Variants in SESTD1 observed in about 807,000 individuals in gnomAD.
SESTD1 encodes the protein SEC14 domain and spectrin repeat-containing protein 1.
A neutral mutation model predicts 101.7 loss-of-function variants in SESTD1; 43 were observed. That is an observed-to-expected ratio of 0.42 (90% confidence interval 0.33 to 0.55). The LOEUF is 0.55. SESTD1 is among the 20% of genes least tolerant of loss of function. The pLI is 0.07. For synonymous variants in SESTD1, 283 were observed against 286.8 expected (o/e 0.99, Z 0.13); for missense variants, 647 against 815.1 (o/e 0.79, Z 2.51).
At chr2:179,253,991 TCAGGAGGCTGAGG>T (rs2047356114) in intron 1 of SESTD1, among the ~76,000 whole-genome samples, 5 of 151,858 alleles carry the variant, frequency 3.3e-5, no homozygotes, top group Admixed American at 2.6e-4. Flanking sequence ...TCCCAGCTAC[TCAGGAGGCTGAGG>T]CAGGAGGATC....
At chr2:179,117,034 A>T (rs78375654) in intron 14 of SESTD1, among the ~76,000 whole-genome samples, 4,065 of 152,310 alleles carry the variant, frequency 0.027, 86 homozygotes, top group Admixed American at 0.035. Flanking sequence ...AATTAATATC[A>T]CATAATAAAA....
chr2:179,197,821 G>A (rs1273964593), intron 1 of SESTD1, among the ~76,000 whole-genome samples: 1 of 152,050 alleles, frequency 6.6e-6, no homozygotes, highest in Non-Finnish European at 1.5e-5. Context: ...GCTAAACATG[G>A]AAAGGAACAA....
intron 1 of SESTD1, among the ~76,000 whole-genome samples, chr2:179,198,516 C>T (rs986386923): frequency 1.5e-4 from 23 of 152,026 alleles, no homozygotes; most frequent in Admixed American, 1.1e-3. Flanking sequence ...TTTTCAGCAC[C>T]ACACCACACC....
At chr2:179,163,844 G>C (rs915831185) in intron 5 of SESTD1, among the ~76,000 whole-genome samples, 13 of 152,076 alleles carry the variant, frequency 8.5e-5, no homozygotes, top group Non-Finnish European at 8.8e-5. Flanking sequence ...ATTTGTGCAG[G>C]TTTTCTTTAA....
intron 5 of SESTD1, among the ~76,000 whole-genome samples, chr2:179,164,551 GC>G (rs1436186997): frequency 6.6e-6 from 1 of 152,154 alleles, no homozygotes; most frequent in Admixed American, 6.5e-5. Context: ...CAGGTACAAT[GC>G]TGCTGAAGGA....
Position 179,105,183 on chromosome 2 carries a change from T to TG in SESTD1, c.*4715_*4716insC. ...TCTTTTCATGCTTTGTTCTGTTTTT[T>TG]TTTTTTTTTTAACCTCATTATTGGG... On this transcript the variant is annotated 3_prime_UTR_variant, in exon 18 of 18. Coordinates refer to ENST00000428443, the MANE Select transcript of SESTD1 (RefSeq NM_178123.5). 1 of 152,056 alleles carries TG rather than the reference T, an allele frequency of 6.6e-6. No individual in the cohort carries two copies. Among genetic ancestry groups the TG allele is most frequent in the East Asian group, 1.9e-4 (1 of 5,188 alleles). The allele number at this position is 152,056 out of a possible 1,614,324, so 9.4% of individuals were successfully genotyped here.
chr2:179,221,033 T>A (rs137863405), intron 1 of SESTD1, among the ~76,000 whole-genome samples: 47 of 152,250 alleles, frequency 3.1e-4, no homozygotes, highest in Non-Finnish European at 5.4e-4. Flanking sequence ...CTACCACAAA[T>A]ACATAAAATA....
intron 5 of SESTD1, among the ~76,000 whole-genome samples, chr2:179,156,381 C>T (rs2045631692): frequency 2.0e-5 from 3 of 152,130 alleles, no homozygotes; most frequent in Admixed American, 6.6e-5. Flanking sequence ...AATGGTAGTT[C>T]TACTTTTAGT....
rs1429792818 is a variant in SESTD1 at position 179,201,150 on chromosome 2, C to T, written c.-25-9284G>A. 1.5e-5 allele frequency among the ~76,000 whole-genome samples: 2 copies of T among 134,836 alleles called. 1 individual carries two copies. Among genetic ancestry groups the T allele is most frequent in the African/African-American group, 5.9e-5 (2 of 33,922 alleles). 88.5% of individuals were successfully genotyped at this position (134,836 alleles called of 152,430 possible). A position where few individuals can be genotyped will look rare whatever the true frequency, so the allele number is the denominator to read the frequency against. On this transcript the variant is annotated intron_variant, in intron 1 of 17. Coordinates refer to ENST00000428443, the MANE Select transcript of SESTD1 (RefSeq NM_178123.5). ...CACTTCTCAAAAGAAGACATTAATGCAGCCAAAAAACACATGAAAAAATGC... is the reference window on the plus strand; with the variant it reads ...CACTTCTCAAAAGAAGACATTAATGTAGCCAAAAAACACATGAAAAAATGC...
Position 179,183,154 on chromosome 2 carries a change from T to C in SESTD1, c.90A>G (p.Thr30=). The change falls in exon 3 of 18, where the codon ACA becomes ACG. Residue 30 remains threonine, a synonymous_variant. Coordinates refer to ENST00000428443, the MANE Select transcript of SESTD1 (RefSeq NM_178123.5). ...GKDRRSGLIL[T]IPLCLEQTNM... ...TTGTCTGTTCGAGGCATAATGGAAT[T>C]GTCAAAATGAGGCCACTCCGTCTGT... The C allele has an allele frequency of 6.2e-6, 10 of 1,612,032 alleles. No homozygotes were observed. Among genetic ancestry groups the C allele is most frequent in the Non-Finnish European group, 8.5e-6 (10 of 1,178,910 alleles).
intron 5 of SESTD1, among the ~76,000 whole-genome samples, chr2:179,169,549 C>A (rs78282438): frequency 0.015 from 2,231 of 152,192 alleles, 133 homozygotes; most frequent in East Asian, 0.1. Context: ...CACAACATTA[C>A]CATGGATAGA....
At chr2:179,257,772 A>G (rs372056847) in intron 1 of SESTD1, among the ~76,000 whole-genome samples, 12 of 152,250 alleles carry the variant, frequency 7.9e-5, no homozygotes, top group Middle Eastern at 3.2e-3. Context: ...CTGGCTTTCT[A>G]GTAGCCATAA....
chr2:179,163,308 C>T (rs1254847286), intron 5 of SESTD1, among the ~76,000 whole-genome samples: 3 of 152,060 alleles, frequency 2.0e-5, no homozygotes, highest in Non-Finnish European at 2.9e-5. Flanking sequence ...TTAACATATG[C>T]TTTATCAATT....
chr2:179,201,377 G>T (rs1412931858), intron 1 of SESTD1, among the ~76,000 whole-genome samples: 2 of 125,982 alleles, frequency 1.6e-5, no homozygotes, highest in Non-Finnish European at 3.3e-5. Context: ...ATTCCTCAGG[G>T]ATCTAGAACT....
intron 1 of SESTD1, among the ~76,000 whole-genome samples, chr2:179,197,043 A>C (rs955473978): frequency 1.3e-5 from 2 of 152,310 alleles, no homozygotes; most frequent in Admixed American, 6.5e-5. Flanking sequence ...CCAAAGGCAA[A>C]GAAGTTGAAA....
chr2:179,207,403 T>G (rs190450955), intron 1 of SESTD1, among the ~76,000 whole-genome samples: 2 of 135,348 alleles, frequency 1.5e-5, no homozygotes, highest in Admixed American at 1.4e-4. Flanking sequence ...ACATGACAAC[T>G]TCACTACCAG....
intron 1 of SESTD1, among the ~76,000 whole-genome samples, chr2:179,210,418 T>C (rs899030142): frequency 7.5e-6 from 1 of 134,098 alleles, no homozygotes; most frequent in Admixed American, 7.2e-5. Context: ...TTAAGATACA[T>C]GCAAAAATCC....
rs565715068 is a variant in SESTD1, at chr2:179,199,814, T to G, written c.-25-7948A>C. Among the ~76,000 whole-genome samples the G allele has an allele frequency of 9.2e-5, 14 of 152,338 alleles. No homozygotes were observed. The South Asian group carries it at 2.9e-3, about 32-fold the overall frequency. ...ATTGATGGGACATATTTCAAAATAA[T>G]AAGAGCTATCTATGGCAAAAACTGG... On this transcript the variant is annotated intron_variant, in intron 1 of 17. Coordinates refer to ENST00000428443, the MANE Select transcript of SESTD1 (RefSeq NM_178123.5).
At chr2:179,110,377 C>T (rs374500699) in intron 17 of SESTD1, among the ~76,000 whole-genome samples, 2 of 152,112 alleles carry the variant, frequency 1.3e-5, no homozygotes, top group African/African-American at 4.8e-5. Flanking sequence ...TGAGTGCTAC[C>T]GGCTGGGGAC....
Sources: allele counts gnomAD v4.1 joint callset (sites outside exome capture counted in the v4.1 genomes callset), GRCh38; gene constraint gnomAD v4.1.1; transcripts MANE v1.5; gene names NCBI Gene and HGNC (gene_info 2026-07-23, HGNC 2026-07-21).